RELN: variants seen among roughly 807,000 people sequenced by gnomAD.
RELN encodes reelin.
Under a neutral mutation model 427.6 loss-of-function variants are expected in RELN, and 108 were observed. That is an observed-to-expected ratio of 0.25 (90% CI 0.22 to 0.30). The LOEUF is 0.30. Ranked by LOEUF, RELN falls within the 10% of genes least tolerant of loss-of-function variation. RELN has a pLI of 1.00. For missense variants in RELN, 3,715 were observed against 4,302.8 expected (o/e 0.86, Z 3.82); for synonymous variants, 1,524 against 1,513.4 (o/e 1.01, Z -0.16).
chr7:103,597,313 G>A (rs909205257), intron 24 of RELN, among the ~76,000 whole-genome samples: 1 of 152,124 alleles, frequency 6.6e-6, no homozygotes, highest in Non-Finnish European at 1.5e-5. Flanking sequence ...AAAAGAAAGA[G>A]TACTTGAGGC....
chr7:103,604,224 TTC>T (rs1490871032), intron 23 of RELN, 120 bp downstream of exon 23: 18 of 1,137,260 alleles, frequency 1.6e-5, no homozygotes, highest in Non-Finnish European at 2.4e-5. Context: ...GAGGACTTGT[TTC>T]TTTTGGCTAT....
chr7:103,834,475 A>G (rs112077778), intron 2 of RELN, among the ~76,000 whole-genome samples: 1,543 of 152,312 alleles, frequency 0.01, 25 homozygotes, highest in African/African-American at 0.034. Flanking sequence ...CAAAATGAGA[A>G]CATCATGGCC....
At chr7:103,948,351 C>T (rs895520158) in intron 1 of RELN, among the ~76,000 whole-genome samples, 29 of 151,742 alleles carry the variant, frequency 1.9e-4, no homozygotes, top group Non-Finnish European at 3.8e-4. Context: ...TTTTTAATTT[C>T]CTTCATCCTA....
chr7:103,561,820 G>C lies in RELN; in HGVS notation c.5344C>G (p.Arg1782Gly). ...CSGRGICDAG[R>G]CVCDRGFGGP... ...TCAGTTTTATTAACTTACACACAGC[G>C]TCCAGCATCACAAATCCCTCGTCCT... The change falls in exon 35 of 65, where the codon CGC (arginine) becomes GGC (glycine). Residue 1782 changes from arginine (R) to glycine (G), a missense_variant. By Grantham distance (125) the Arg-to-Gly change is moderately radical. Transcript: ENST00000428762. The C allele has an allele frequency of 6.2e-7, 1 of 1,613,808 alleles. No homozygotes were observed. Among genetic ancestry groups the C allele is most frequent in the Non-Finnish European group, 8.5e-7 (1 of 1,179,914 alleles).
intron 28 of RELN, among the ~76,000 whole-genome samples, chr7:103,581,645 G>T (rs1831152071): frequency 6.6e-6 from 1 of 152,076 alleles, no homozygotes; most frequent in Non-Finnish European, 1.5e-5. Flanking sequence ...CCTCTGTAGT[G>T]CAACTTTAAT....
chr7:103,652,820 C>T (rs1832950625), intron 13 of RELN, 61 bp from the exon 14 acceptor site: 2 of 1,504,766 alleles, frequency 1.3e-6, no homozygotes, highest in African/African-American at 1.4e-5. Flanking sequence ...CATGTAAATT[C>T]TCCTAGATTT....
intron 4 of RELN, among the ~76,000 whole-genome samples, chr7:103,754,988 C>T (rs17289896): frequency 0.022 from 3,297 of 152,204 alleles, 51 homozygotes; most frequent in Non-Finnish European, 0.03. Context: ...GCTATTAAGG[C>T]ACTGTGCTAA....
chr7:103,608,745 C>G lies in RELN; in HGVS notation c.3008+1950G>C, dbSNP rs901801588. Among the ~76,000 whole-genome samples the G allele has an allele frequency of 4.6e-5, 7 of 152,174 alleles. No homozygotes were observed. The South Asian group carries it at 1.5e-3, about 32-fold the overall frequency. On this transcript the variant is annotated intron_variant, in intron 22 of 64. Transcript: ENST00000428762. Reference sequence around the variant, plus strand: ...AGATAATTAACCTTTTCTGACTATACTAAAAATTCCAGCTTGGTGTTGCTA... The same window carrying G: ...AGATAATTAACCTTTTCTGACTATAGTAAAAATTCCAGCTTGGTGTTGCTA...
intron 1 of RELN, among the ~76,000 whole-genome samples, chr7:103,945,957 G>A (rs948723917): frequency 4.6e-5 from 7 of 152,226 alleles, no homozygotes; most frequent in East Asian, 1.9e-4. Context: ...TGTAAGTGCC[G>A]TACACTCTGA....
chr7:103,870,346 T>G (rs1296364560), intron 2 of RELN, among the ~76,000 whole-genome samples: 2 of 149,124 alleles, frequency 1.3e-5, no homozygotes, highest in Non-Finnish European at 3.0e-5. Flanking sequence ...CTGGTTTCGG[T>G]TTTTTTTTTC....
intron 11 of RELN, among the ~76,000 whole-genome samples, chr7:103,663,445 C>G: frequency 6.6e-6 from 1 of 152,294 alleles, no homozygotes; most frequent in Non-Finnish European, 1.5e-5. Context: ...TCACTTTCCT[C>G]TGCTTTCTCT....
At chr7:103,617,192 T>C (rs1186645670) in intron 20 of RELN, among the ~76,000 whole-genome samples, 1 of 152,198 alleles carries the variant, frequency 6.6e-6, no homozygotes, top group Non-Finnish European at 1.5e-5. Context: ...AGCCTTTTCA[T>C]GGACTTTGCC....
intron 16 of RELN, among the ~76,000 whole-genome samples, chr7:103,641,983 A>AG (rs1832703508): frequency 6.6e-6 from 1 of 152,188 alleles, no homozygotes; most frequent in Non-Finnish European, 1.5e-5. Flanking sequence ...CAATGAAAAA[A>AG]GTTGCAATTA....
In RELN at chr7:103,640,464, T is replaced by C; in HGVS notation, c.2069+79A>G. 5 of 1,410,076 alleles carry C rather than the reference T, an allele frequency of 3.5e-6. No homozygotes were observed. The highest frequency in any genetic ancestry group is 5.0e-6 in the Non-Finnish European group (5 of 996,846). The allele number at this position is 1,410,076 out of a possible 1,614,324, so 87.3% of individuals were successfully genotyped here. On this transcript the variant is annotated intron_variant, in intron 17 of 64. Coordinates refer to ENST00000428762, the MANE Select transcript of RELN (RefSeq NM_005045.4). This position sits in a 1 kb window ranked among gnomAD's most constrained non-coding sequence, Gnocchi z 4.1. ...AAAAGATCCCCGATCCTAAAAAAGG[T>C]TATTAAATGACTTGCGACTTCAACA...
At chr7:103,806,842 G>C (rs1792612387) in intron 3 of RELN, among the ~76,000 whole-genome samples, 1 of 152,126 alleles carries the variant, frequency 6.6e-6, no homozygotes. Context: ...GCCAGGAAAA[G>C]AGCCTCTTCC....
At chr7:103,971,903 G>A (rs996528679) in intron 1 of RELN, among the ~76,000 whole-genome samples, 44 of 151,958 alleles carry the variant, frequency 2.9e-4, no homozygotes, top group Non-Finnish European at 5.1e-4. Flanking sequence ...TGAAACCCCC[G>A]TCTCTAGTAA....
At chr7:103,676,705 A>G (rs1020231892) in intron 11 of RELN, among the ~76,000 whole-genome samples, 2 of 152,222 alleles carry the variant, frequency 1.3e-5, no homozygotes, top group African/African-American at 4.8e-5. Context: ...AATACTATGC[A>G]GCCACAAAAA....
chr7:103,596,028 T>C (rs1049930208), intron 25 of RELN, among the ~76,000 whole-genome samples: 1 of 152,174 alleles, frequency 6.6e-6, no homozygotes, highest in Admixed American at 6.6e-5. Flanking sequence ...TCATACACTG[T>C]TTAGGGATAG....
chr7:103,702,996 G>T (rs1834125263), intron 8 of RELN, among the ~76,000 whole-genome samples: 1 of 152,140 alleles, frequency 6.6e-6, no homozygotes, highest in Non-Finnish European at 1.5e-5. Flanking sequence ...ACTGGCCCAG[G>T]GTTATCTTGA....
Sources: allele counts gnomAD v4.1 joint callset (sites outside exome capture counted in the v4.1 genomes callset), GRCh38; gene constraint gnomAD v4.1.1; non-coding constraint Gnocchi (gnomAD v3.1); transcripts MANE v1.5; gene names NCBI Gene and HGNC (gene_info 2026-07-23, HGNC 2026-07-21).